Variants in FAM114A1 observed in about 807,000 individuals in gnomAD.
FAM114A1 encodes family with sequence similarity 114 member A1.
A neutral mutation model predicts 64.3 loss-of-function variants in FAM114A1; 62 were observed. The ratio of observed to expected loss-of-function variants is 0.96; its 90% CI spans 0.79 to 1.19. The LOEUF is 1.19. Ranked by LOEUF, FAM114A1 falls within the 50% of genes most tolerant of loss-of-function variation. FAM114A1 has a pLI of 0.00. For missense variants in FAM114A1, 645 were observed against 676.3 expected, an observed-to-expected ratio of 0.95 and a Z score of 0.51; for synonymous variants, 254 against 251.1, an observed-to-expected ratio of 1.01 and a Z score of -0.11.
intron 12 of FAM114A1, 32 bp downstream of exon 12, chr4:38,932,406 C>T (rs1720727640): frequency 6.4e-7 from 1 of 1,566,266 alleles, no homozygotes; most frequent in African/African-American, 1.4e-5. Flanking sequence ...TTCTTATTTT[C>T]CCAGTTTTAT....
intron 3 of FAM114A1, among the ~76,000 whole-genome samples, chr4:38,881,043 G>C (rs926387357): frequency 6.6e-6 from 1 of 152,028 alleles, no homozygotes; most frequent in African/African-American, 2.4e-5. Flanking sequence ...AAATTAGCCA[G>C]GTGTGGTGGT....
intron 3 of FAM114A1, among the ~76,000 whole-genome samples, chr4:38,879,586 C>T (rs906174080): frequency 2.6e-5 from 4 of 152,192 alleles, no homozygotes; most frequent in African/African-American, 7.2e-5. Context: ...TCAGAACTGT[C>T]TGCGATGGGC....
chr4:38,887,341 G>A (rs1715921290), intron 3 of FAM114A1, among the ~76,000 whole-genome samples: 1 of 152,160 alleles, frequency 6.6e-6, no homozygotes, highest in Non-Finnish European at 1.5e-5. Flanking sequence ...GGTACTTTTG[G>A]TTAATGTTTG....
intron 14 of FAM114A1, 101 bp from the exon 15 acceptor site, chr4:38,943,355 A>AG: frequency 4.2e-6 from 4 of 947,762 alleles, no homozygotes; most frequent in Non-Finnish European, 6.7e-6. Flanking sequence ...ATAATCCAAT[A>AG]TGGGGGGTGG....
chr4:38,920,292 G>T (rs1489475723), intron 8 of FAM114A1, among the ~76,000 whole-genome samples: 1 of 151,944 alleles, frequency 6.6e-6, no homozygotes, highest in Admixed American at 6.6e-5. Context: ...CTTCACAATG[G>T]CAGCACACAC....
intron 12 of FAM114A1, among the ~76,000 whole-genome samples, chr4:38,933,667 G>A (rs1383359526): frequency 6.6e-6 from 1 of 152,144 alleles, no homozygotes; most frequent in Non-Finnish European, 1.5e-5. Flanking sequence ...TAGTTGGTAT[G>A]GAGCTGAAAA....
chr4:38,870,659 C>T (rs746197876), intron 2 of FAM114A1, among the ~76,000 whole-genome samples: 1 of 152,174 alleles, frequency 6.6e-6, no homozygotes, highest in Non-Finnish European at 1.5e-5. Flanking sequence ...CCCTAGCCTC[C>T]AGTCCACGAG....
intron 7 of FAM114A1, among the ~76,000 whole-genome samples, chr4:38,909,930 T>C (rs1316393371): frequency 6.6e-6 from 1 of 152,128 alleles, no homozygotes; most frequent in Non-Finnish European, 1.5e-5. Flanking sequence ...ACCCTGCTGC[T>C]CCTTGAAAAA....
intron 3 of FAM114A1, among the ~76,000 whole-genome samples, chr4:38,882,070 T>C (rs193095251): frequency 0.012 from 1,814 of 151,426 alleles, 40 homozygotes; most frequent in African/African-American, 0.042. Context: ...CCCAGCACTT[T>C]GGGAGGCCGA....
chr4:38,932,305 T>G lies in FAM114A1; in HGVS notation c.1394T>G (p.Val465Gly). ...TARCIEQLHK[V>G]AELILHGQEE... ...CGCTGTATTGAGCAGCTTCATAAAG[T>G]AGCAGAATTAATTCTTCATGGACAA... The change falls in exon 12 of 15, where the codon GTA (valine) becomes GGA (glycine). Residue 465 changes from valine (V) to glycine (G), a missense_variant. Coordinates refer to ENST00000358869, the MANE Select transcript of FAM114A1 (RefSeq NM_138389.4). 1 of 1,613,802 alleles carries G rather than the reference T, an allele frequency of 6.2e-7. No individual in the cohort carries two copies. Among genetic ancestry groups the G allele is most frequent in the South Asian group, 1.1e-5 (1 of 90,954 alleles).
At chr4:38,868,085 C>T (rs956743534) in intron 1 of FAM114A1, 10 of 420,140 alleles carry the variant, frequency 2.4e-5, no homozygotes, top group Non-Finnish European at 9.8e-6. Flanking sequence ...GTGTGTCGCT[C>T]CGGGTCCACG....
chr4:38,928,731 C>T (rs979456893), intron 9 of FAM114A1, among the ~76,000 whole-genome samples: 2 of 152,082 alleles, frequency 1.3e-5, no homozygotes, highest in Non-Finnish European at 2.9e-5. Context: ...GGAAATTTCT[C>T]CAGAGAGATG....
intron 4 of FAM114A1, among the ~76,000 whole-genome samples, chr4:38,893,682 G>T (rs1716615668): frequency 1.3e-5 from 2 of 152,154 alleles, no homozygotes; most frequent in Admixed American, 1.3e-4. Context: ...ACCCTCCCAA[G>T]GTTTTCTGTC....
chr4:38,883,108 C>T (rs143164537), intron 3 of FAM114A1, among the ~76,000 whole-genome samples: 5 of 152,260 alleles, frequency 3.3e-5, no homozygotes, highest in African/African-American at 9.6e-5. Flanking sequence ...GAGGTTGGAC[C>T]GGATTCTCTA....
intron 2 of FAM114A1, 91 bp from the exon 3 acceptor site, chr4:38,877,979 AG>A (rs779218434): frequency 8.3e-5 from 89 of 1,071,178 alleles, no homozygotes; most frequent in South Asian, 4.6e-4. Context: ...AAAAAAAAAA[AG>A]TTTTCCCCTA....
intron 3 of FAM114A1, 120 bp downstream of exon 3, chr4:38,878,546 C>T (rs11938589): frequency 0.25 from 182,919 of 736,258 alleles, 24,821 homozygotes; most frequent in African/African-American, 0.31. Flanking sequence ...GTGACATCCC[C>T]TCTGTCATCA....
intron 4 of FAM114A1, among the ~76,000 whole-genome samples, chr4:38,897,027 T>C (rs529558327): frequency 1.8e-4 from 27 of 152,294 alleles, no homozygotes; most frequent in African/African-American, 6.0e-4. Flanking sequence ...GTTGAAAAAC[T>C]GCAGTTAGAA....
At chr4:38,893,712 C>T (rs1219586234) in intron 4 of FAM114A1, among the ~76,000 whole-genome samples, 9 of 152,210 alleles carry the variant, frequency 5.9e-5, no homozygotes, top group Non-Finnish European at 1.2e-4. Flanking sequence ...ACAGCTCTCC[C>T]ATTGAATTTA....
rs145443526 is a variant in FAM114A1, at chr4:38,876,531, T to C, written c.-8-1540T>C. ...ATTAATAAAGCCAGAGTCAATAATT[T>C]TAAAGATACAGGTATTACTCTTAGT... On this transcript the variant is annotated intron_variant, in intron 2 of 14. Coordinates refer to ENST00000358869, the MANE Select transcript of FAM114A1 (RefSeq NM_138389.4). Among the ~76,000 whole-genome samples, 20 of 152,332 alleles carry C rather than the reference T, an allele frequency of 1.3e-4. No individual in the cohort carries two copies. In the East Asian group the frequency reaches 3.9e-3, roughly 29 times the overall value.
Sources: allele counts gnomAD v4.1 joint callset (sites outside exome capture counted in the v4.1 genomes callset), GRCh38; gene constraint gnomAD v4.1.1; transcripts MANE v1.5; gene names NCBI Gene and HGNC (gene_info 2026-07-23, HGNC 2026-07-21).